The following PCDHGB7 variants were observed in gnomAD, a reference collection of about 807,000 sequenced individuals.
The protein encoded by PCDHGB7 is protocadherin gamma-B7.
In PCDHGB7, 37 loss-of-function variants were observed where a neutral mutation model predicts 61.4. The observed-to-expected ratio is 0.60, with a 90% CI of 0.46 to 0.79. PCDHGB7 has a LOEUF of 0.79. Among genes scored for constraint, PCDHGB7 ranks in the 30% least tolerant of loss-of-function variants. The pLI, the probability that PCDHGB7 is intolerant of heterozygous loss-of-function variation, is 0.00. For missense variants in PCDHGB7, 1,166 were observed against 1,202.5 expected, an observed-to-expected ratio of 0.97 and a Z score of 0.45; for synonymous variants, 464 against 503.5, an observed-to-expected ratio of 0.92 and a Z score of 1.05.
At chr5:141,421,720 G>A (rs372813759) in intron 1 of PCDHGB7, 4 of 1,613,788 alleles carry the variant, frequency 2.5e-6, no homozygotes, top group Non-Finnish European at 3.4e-6. Context: ...AGATGTGGGC[G>A]TGAACTCCCT....
At position 141,486,464 on chromosome 5, in the gene PCDHGB7, G is replaced by A; in HGVS notation, c.2416-8343G>A. The A allele has an allele frequency of 1.2e-6, 2 of 1,614,034 alleles. No homozygotes were observed. Among genetic ancestry groups the A allele is most frequent in the Non-Finnish European group, 1.7e-6 (2 of 1,179,946 alleles). On this transcript the variant is annotated intron_variant, in intron 1 of 3. Transcript: ENST00000398594. This position sits in a 1 kb window ranked among gnomAD's most constrained non-coding sequence, Gnocchi z 5.0. ...CATCATGGTCACTGCTTCTGATGCTGGGAACCCTCCTCTCAGTACCCACAG... is the reference window on the plus strand; with the variant it reads ...CATCATGGTCACTGCTTCTGATGCTAGGAACCCTCCTCTCAGTACCCACAG...
rs527514615 is a variant in PCDHGB7 at position 141,485,941 on chromosome 5, A to G, written c.2416-8866A>G. ...GGATTAGTGTGTTGGAGAGCGCACC[A>G]GCGGGCATGGTGCTCATCCAGCTCA... is the stretch of plus-strand genomic sequence containing the variant. On this transcript the variant is annotated intron_variant, in intron 1 of 3. Coordinates refer to ENST00000398594, the MANE Select transcript of PCDHGB7 (RefSeq NM_018927.4). This position sits in a 1 kb window ranked among gnomAD's most constrained non-coding sequence, Gnocchi z 5.7. The G allele has an allele frequency of 2.5e-6, 4 of 1,614,180 alleles. No homozygotes were observed. The highest frequency in any genetic ancestry group is 2.7e-5 in the African/African-American group (2 of 75,032).
Position 141,490,772 on chromosome 5 carries a change from C to T in PCDHGB7, c.2416-4035C>T. ...GCCTCCTCCTTTGTGTATGTCAACC[C>T]AGAGGATGGACGGATCTTTGCCCAG... On this transcript the variant is annotated intron_variant, in intron 1 of 3. Coordinates refer to ENST00000398594, the MANE Select transcript of PCDHGB7 (RefSeq NM_018927.4). This position sits in a 1 kb window ranked among gnomAD's most constrained non-coding sequence, Gnocchi z 5.4. 6.2e-7 allele frequency: 1 copy of T among 1,614,164 alleles called. No homozygotes were observed. The highest frequency in any genetic ancestry group is 1.1e-5 in the South Asian group (1 of 91,082).
intron 1 of PCDHGB7, among the ~76,000 whole-genome samples, chr5:141,438,674 A>C (rs894070572): frequency 1.9e-4 from 25 of 134,850 alleles, no homozygotes; most frequent in Non-Finnish European, 3.1e-4. Context: ...ATATATTTGG[A>C]GTAGGGGATG....
rs747671382 is a variant in PCDHGB7, at chr5:141,444,152, A to ATTTT, written c.2415+23911_2415+23914dup. Among the ~76,000 whole-genome samples the ATTTT allele has an allele frequency of 5.0e-4, 17 of 33,898 alleles. 5 individuals carry two copies. Among genetic ancestry groups the ATTTT allele is most frequent in the African/African-American group, 7.0e-4 (5 of 7,184 alleles). 22.2% of individuals were successfully genotyped at this position (33,898 alleles called of 152,430 possible). ...GATATGTGTCACTTGTGTGTACTGG[A>ATTTT]TTTTTTTTTTTTTTTTTTTTTTTTT... On this transcript the variant is annotated intron_variant, in intron 1 of 3. Transcript: ENST00000398594.
chr5:141,466,812 G>T (rs1394979761), intron 1 of PCDHGB7, among the ~76,000 whole-genome samples: 1 of 151,940 alleles, frequency 6.6e-6, no homozygotes, highest in African/African-American at 2.4e-5. Flanking sequence ...ATTCAGACAT[G>T]GTATAACAAG....
intron 1 of PCDHGB7, among the ~76,000 whole-genome samples, chr5:141,463,099 A>G (rs1445730117): frequency 1.4e-4 from 21 of 152,204 alleles, no homozygotes; most frequent in Admixed American, 1.4e-3. Context: ...CTATGTGACC[A>G]TCAAGAATTC....
chr5:141,484,096 G>A (rs539388257), intron 1 of PCDHGB7, among the ~76,000 whole-genome samples: 1 of 152,126 alleles, frequency 6.6e-6, no homozygotes, highest in South Asian at 2.1e-4. Flanking sequence ...GTCTTCGTTG[G>A]TAATTAACAA....
chr5:141,503,307 G>T (rs1042228003), intron 2 of PCDHGB7, among the ~76,000 whole-genome samples: 5 of 152,096 alleles, frequency 3.3e-5, no homozygotes, highest in African/African-American at 1.2e-4. Context: ...GCTCAAGAAA[G>T]AATTGTTGGA....
chr5:141,446,936 C>G (rs935365668), intron 1 of PCDHGB7, among the ~76,000 whole-genome samples: 3 of 152,176 alleles, frequency 2.0e-5, no homozygotes, highest in African/African-American at 7.2e-5. Context: ...CTCTTTTTCA[C>G]TGTAAGAAAC....
At chr5:141,463,738 G>A (rs1002263384) in intron 1 of PCDHGB7, among the ~76,000 whole-genome samples, 4 of 151,978 alleles carry the variant, frequency 2.6e-5, no homozygotes, top group Admixed American at 2.6e-4. Flanking sequence ...GAGCCACCGC[G>A]CCCGGCCTGC....
rs2096196504 is a variant in PCDHGB7, at chr5:141,417,949, TGA to T, written c.92_93del (p.Glu31AlafsTer21). The T allele has an allele frequency of 6.2e-7, 1 of 1,613,400 alleles. No individual in the cohort carries two copies. The highest frequency in any genetic ancestry group is 8.5e-7 in the Non-Finnish European group (1 of 1,179,602). ...LLPLFYPTLC[E>X]PIRYSIPEEL... is the part of the protein sequence containing the mutation. ...TGCCTTTGTTCTACCCCACGCTGTG[TGA>T]GCCGATCCGCTACTCGATTCCGGAG... On this transcript the variant is annotated frameshift_variant, in exon 1 of 4. Coordinates refer to ENST00000398594, the MANE Select transcript of PCDHGB7 (RefSeq NM_018927.4). LOFTEE classifies it high-confidence loss of function.
At position 141,486,927 on chromosome 5, in the gene PCDHGB7, G is replaced by T. The variant is rs2099637231; in HGVS notation, c.2416-7880G>T. On this transcript the variant is annotated intron_variant, in intron 1 of 3. Transcript: ENST00000398594. The surrounding 1 kb of genome is among the most constrained non-coding windows in gnomAD (Gnocchi z 5.0). ...CCCCAAGCACTGCCTCCATCAGTTG[G>T]TGCTGGCCACCTAATCACAAAGGTG... 1 of 1,614,108 alleles carries T rather than the reference G, an allele frequency of 6.2e-7. No homozygotes were observed. Among genetic ancestry groups the T allele is most frequent in the Non-Finnish European group, 8.5e-7 (1 of 1,180,054 alleles).
At position 141,487,507 on chromosome 5, in the gene PCDHGB7, A is replaced by C; in HGVS notation, c.2416-7300A>C. 6.2e-7 allele frequency: 1 copy of C among 1,614,138 alleles called. No individual in the cohort carries two copies. Among genetic ancestry groups the C allele is most frequent in the Non-Finnish European group, 8.5e-7 (1 of 1,180,028 alleles). On this transcript the variant is annotated intron_variant, in intron 1 of 3. Coordinates refer to ENST00000398594, the MANE Select transcript of PCDHGB7 (RefSeq NM_018927.4). This position sits in a 1 kb window ranked among gnomAD's most constrained non-coding sequence, Gnocchi z 5.0. ...ATGGCTGTACACCCTTGGCTTCTGC[A>C]CCCACTCGGAGTGATAGCTTCATGA...
chr5:141,421,161 T>C (rs2096550274), intron 1 of PCDHGB7: 7 of 1,259,920 alleles, frequency 5.6e-6, no homozygotes, highest in Non-Finnish European at 7.5e-6. Flanking sequence ...TAGGACTTCA[T>C]AGATACATAA....
chr5:141,478,941 A>G (rs889484528), intron 1 of PCDHGB7: 2 of 589,470 alleles, frequency 3.4e-6, no homozygotes, highest in Non-Finnish European at 5.6e-6. Context: ...TTCTAGGAAT[A>G]CAAAAACTAC....
intron 1 of PCDHGB7, among the ~76,000 whole-genome samples, chr5:141,435,732 C>T (rs2097777160): frequency 6.6e-6 from 1 of 152,150 alleles, no homozygotes; most frequent in South Asian, 2.1e-4. Flanking sequence ...AAGTGTATTA[C>T]TCTTTGAAAA....
In PCDHGB7 at chr5:141,431,187, G is replaced by C. The variant is rs748150837; in HGVS notation, c.2415+10913G>C. On this transcript the variant is annotated intron_variant, in intron 1 of 3. Transcript: ENST00000398594. This position sits in a 1 kb window ranked among gnomAD's most constrained non-coding sequence, Gnocchi z 4.8. ...GAAAGTGAATTAGAAATAAAAATTAGTGAAAATGCAGCCACTGAGATGCGG... is the reference window on the plus strand; with the variant it reads ...GAAAGTGAATTAGAAATAAAAATTACTGAAAATGCAGCCACTGAGATGCGG... 4.3e-6 allele frequency: 7 copies of C among 1,614,102 alleles called. No homozygotes were observed. The Admixed American group carries it at 1.2e-4, about 27-fold the overall frequency.
intron 1 of PCDHGB7, among the ~76,000 whole-genome samples, chr5:141,444,395 T>A (rs960583048): frequency 1.3e-5 from 2 of 151,996 alleles, no homozygotes; most frequent in Non-Finnish European, 2.9e-5. Context: ...AGTCTTGAAC[T>A]CCCAACCTCA....
Sources: allele counts gnomAD v4.1 joint callset (sites outside exome capture counted in the v4.1 genomes callset), GRCh38; gene constraint gnomAD v4.1.1; non-coding constraint Gnocchi (gnomAD v3.1); transcripts MANE v1.5; gene names NCBI Gene and HGNC (gene_info 2026-07-23, HGNC 2026-07-21).